Variants in ZFPM2 observed in about 807,000 individuals in gnomAD.
ZFPM2 encodes the protein zinc finger protein ZFPM2.
In ZFPM2, 20 loss-of-function variants were observed where a neutral mutation model predicts 98.6. The ratio of observed to expected loss-of-function variants is 0.20; its 90% CI spans 0.14 to 0.29. ZFPM2 has a LOEUF of 0.29. Among genes scored for constraint, ZFPM2 ranks in the 10% least tolerant of loss-of-function variants. ZFPM2 has a pLI of 1.00. For synonymous variants in ZFPM2, 518 were observed against 502.7 expected (o/e 1.03, Z -0.41); for missense variants, 1,310 against 1,388.6 (o/e 0.94, Z 0.90).
chr8:105,497,090 A>G (rs144603217), intron 3 of ZFPM2, among the ~76,000 whole-genome samples: 1,773 of 150,740 alleles, frequency 0.012, 30 homozygotes, highest in African/African-American at 0.041. Flanking sequence ...GGTTCACACC[A>G]TTCTCCTGCC....
intron 5 of ZFPM2, chr8:105,662,671 T>C (rs199758008): frequency 2.1e-5 from 1 of 47,196 alleles, no homozygotes; most frequent in Non-Finnish European, 4.0e-5. Flanking sequence ...TTCAAAAAAA[T>C]TTTTTTTTAA....
chr8:105,557,100 C>T (rs1262689707), intron 3 of ZFPM2, among the ~76,000 whole-genome samples: 1 of 152,060 alleles, frequency 6.6e-6, no homozygotes, highest in East Asian at 1.9e-4. Flanking sequence ...TCAATCAACC[C>T]CTTGGTGTCT....
At position 105,789,036 on chromosome 8, in the gene ZFPM2, G is replaced by C. The variant is rs145842399; in HGVS notation, c.739+112G>C. 1.1e-4 allele frequency: 86 copies of C among 814,440 alleles called. No individual in the cohort carries two copies. The East Asian group carries it at 2.4e-3, about 23-fold the overall frequency. The allele number at this position is 814,440 out of a possible 1,614,324, so 50.5% of individuals were successfully genotyped here. ...CAGACCTTTTTCCTTCAGTGTTGTG[G>C]TTTCATTTTATCTTTTTTCTTTTTA... is the stretch of plus-strand genomic sequence containing the variant. On this transcript the variant is annotated intron_variant, in intron 6 of 7. Transcript: ENST00000407775.
intron 3 of ZFPM2, among the ~76,000 whole-genome samples, chr8:105,515,426 C>T (rs1813898410): frequency 6.6e-6 from 1 of 152,142 alleles, no homozygotes; most frequent in Non-Finnish European, 1.5e-5. Flanking sequence ...CTTCACTACC[C>T]TATGAATAGC....
At chr8:105,682,154 A>G (rs1163645493) in intron 5 of ZFPM2, among the ~76,000 whole-genome samples, 1 of 152,228 alleles carries the variant, frequency 6.6e-6, no homozygotes, top group East Asian at 1.9e-4. Flanking sequence ...CAATGTGATT[A>G]ATATCAGCAT....
intron 6 of ZFPM2, among the ~76,000 whole-genome samples, chr8:105,789,938 T>C (rs1813549165): frequency 6.6e-6 from 1 of 151,516 alleles, no homozygotes; most frequent in Non-Finnish European, 1.5e-5. Context: ...GGTTGTTTGT[T>C]TTTTTCTTGT....
chr8:105,791,663 T>C (rs1196962602), intron 6 of ZFPM2, among the ~76,000 whole-genome samples: 1 of 152,236 alleles, frequency 6.6e-6, no homozygotes, highest in Non-Finnish European at 1.5e-5. Flanking sequence ...TCAGAAGGAA[T>C]GGTACCAGTT....
At chr8:105,608,153 A>G (rs551479950) in intron 4 of ZFPM2, among the ~76,000 whole-genome samples, 99 of 152,158 alleles carry the variant, frequency 6.5e-4, no homozygotes, top group Non-Finnish European at 1.1e-3. Flanking sequence ...GAACACAAAG[A>G]AGGACGGACA....
At chr8:105,515,158 G>C (rs377601982) in intron 3 of ZFPM2, among the ~76,000 whole-genome samples, 1 of 152,268 alleles carries the variant, frequency 6.6e-6, no homozygotes, top group Non-Finnish European at 1.5e-5. Context: ...AAAGTTACTG[G>C]AACTATTGAA....
intron 3 of ZFPM2, among the ~76,000 whole-genome samples, chr8:105,556,948 C>T (rs551353729): frequency 6.6e-6 from 1 of 152,214 alleles, no homozygotes; most frequent in African/African-American, 2.4e-5. Context: ...GTCTCAAACT[C>T]CTGACCCTCA....
chr8:105,777,184 A>G (rs529992506), intron 5 of ZFPM2, among the ~76,000 whole-genome samples: 9 of 152,304 alleles, frequency 5.9e-5, no homozygotes, highest in African/African-American at 2.2e-4. Flanking sequence ...TTAGGTCCCA[A>G]TTTTCCAGTT....
At chr8:105,405,896 A>G (rs1811442816) in intron 1 of ZFPM2, among the ~76,000 whole-genome samples, 1 of 152,162 alleles carries the variant, frequency 6.6e-6, no homozygotes, top group Admixed American at 6.5e-5. Flanking sequence ...AGTCCCCACA[A>G]CAGTGTAAAA....
At chr8:105,462,704 T>G (rs1358682491) in intron 3 of ZFPM2, among the ~76,000 whole-genome samples, 1 of 151,984 alleles carries the variant, frequency 6.6e-6, no homozygotes, top group Non-Finnish European at 1.5e-5. Context: ...AACCATGACA[T>G]CATCATCAGC....
intron 3 of ZFPM2, among the ~76,000 whole-genome samples, chr8:105,514,461 A>T (rs1200514814): frequency 2.0e-5 from 3 of 152,112 alleles, no homozygotes; most frequent in African/African-American, 7.2e-5. Context: ...TCCCACTTGT[A>T]GCCCAGCTGT....
At chr8:105,796,679 T>TAACA (rs1364628862) in intron 6 of ZFPM2, 6 of 152,168 alleles carry the variant, frequency 3.9e-5, no homozygotes, top group African/African-American at 1.2e-4. Context: ...CAACCATAAA[T>TAACA]AACAGTTCAC....
chr8:105,775,508 T>C (rs1020565418), intron 5 of ZFPM2, among the ~76,000 whole-genome samples: 3 of 152,184 alleles, frequency 2.0e-5, no homozygotes, highest in African/African-American at 4.8e-5. Flanking sequence ...GGTATTTTAA[T>C]AGGCAGATGG....
chr8:105,779,297 C>T (rs377670237), intron 5 of ZFPM2, among the ~76,000 whole-genome samples: 51 of 152,222 alleles, frequency 3.4e-4, no homozygotes, highest in African/African-American at 1.2e-3. Context: ...TATTTTTATG[C>T]TAAGCTTAGG....
At chr8:105,399,855 T>G (rs890342676) in intron 1 of ZFPM2, among the ~76,000 whole-genome samples, 12 of 152,158 alleles carry the variant, frequency 7.9e-5, no homozygotes, top group Non-Finnish European at 1.6e-4. Context: ...AACCTGTGCC[T>G]CCTGGGTTCA....
Position 105,432,817 on chromosome 8 carries a change from G to A in ZFPM2, c.200-11463G>A, listed in dbSNP as rs190657129. Among the ~76,000 whole-genome samples, 203 of 152,204 alleles carry A rather than the reference G, an allele frequency of 1.3e-3. 1 individual carries two copies. Among genetic ancestry groups the A allele is most frequent in the African/African-American group, 4.5e-3 (186 of 41,524 alleles). ...GAAACATAGTTTAAAATAGAATGTCGGACTGGGTGCAGTGGCTCATACCTG... is the reference window on the plus strand; with the variant it reads ...GAAACATAGTTTAAAATAGAATGTCAGACTGGGTGCAGTGGCTCATACCTG... On this transcript the variant is annotated intron_variant, in intron 2 of 7. Coordinates refer to ENST00000407775, the MANE Select transcript of ZFPM2 (RefSeq NM_012082.4).
Sources: allele counts gnomAD v4.1 joint callset (sites outside exome capture counted in the v4.1 genomes callset), GRCh38; gene constraint gnomAD v4.1.1; transcripts MANE v1.5; gene names NCBI Gene and HGNC (gene_info 2026-07-23, HGNC 2026-07-21).